Variants in UBE3B observed in about 807,000 individuals in gnomAD.
UBE3B encodes ubiquitin protein ligase E3B, also known as ubiquitin-protein ligase E3B.
In UBE3B, 80 loss-of-function variants were observed where a neutral mutation model predicts 132.3. The ratio of observed to expected loss-of-function variants is 0.60; its 90% CI spans 0.50 to 0.73. UBE3B has a LOEUF of 0.73. UBE3B is among the 30% of genes least tolerant of loss of function. The pLI is 0.00. For missense variants in UBE3B, 1,196 were observed against 1,362.5 expected (o/e 0.88, Z 1.92); for synonymous variants, 487 against 520.4 (o/e 0.94, Z 0.87).
At position 109,535,758 on chromosome 12, in the gene UBE3B, C is replaced by G. The variant is rs1883376062; in HGVS notation, c.*976C>G. 1 of 152,288 alleles carries G rather than the reference C, an allele frequency of 6.6e-6. No homozygotes were observed. The allele number at this position is 152,288 out of a possible 1,614,324, so 9.4% of individuals were successfully genotyped here. ...TCTTGCTGCCCATCCTTCCTCAGCA[C>G]AGGGAACCCGGAAGCCCGTTGCACT... On this transcript the variant is annotated 3_prime_UTR_variant, in exon 28 of 28. Coordinates refer to ENST00000342494, the MANE Select transcript of UBE3B (RefSeq NM_130466.4).
intron 19 of UBE3B, among the ~76,000 whole-genome samples, chr12:109,518,962 C>T (rs547323568): frequency 1.3e-5 from 2 of 152,178 alleles, no homozygotes; most frequent in African/African-American, 4.8e-5. Flanking sequence ...GTAAGCTGAT[C>T]TCAGACTCAT....
At chr12:109,503,406 C>T (rs1423421950) in intron 14 of UBE3B, among the ~76,000 whole-genome samples, 1 of 151,880 alleles carries the variant, frequency 6.6e-6, no homozygotes, top group Non-Finnish European at 1.5e-5. Flanking sequence ...TGTTTTGTGA[C>T]TCTTACTTTA....
rs1592954196 is a variant in UBE3B, at chr12:109,521,018, T to C, written c.2077-130T>C. The C allele has an allele frequency of 2.0e-6, 2 of 1,005,328 alleles. No homozygotes were observed. The highest frequency in any genetic ancestry group is 1.7e-5 in the South Asian group (1 of 59,992). The allele number at this position is 1,005,328 out of a possible 1,614,324, so 62.3% of individuals were successfully genotyped here. On this transcript the variant is annotated intron_variant, in intron 19 of 27. Transcript: ENST00000342494. This position sits in a 1 kb window ranked among gnomAD's most constrained non-coding sequence, Gnocchi z 4.2. ...AAGCAGGTGAGAACGGCTCCTGTCA[T>C]GCATCCACGTTTCATAATTTGCACA...
intron 15 of UBE3B, 43 bp from the exon 16 acceptor site, chr12:109,509,552 CT>C (rs144651250): frequency 1.2e-5 from 17 of 1,400,910 alleles, no homozygotes; most frequent in South Asian, 2.6e-5. Context: ...TTCTCTTCGC[CT>C]TTTTTCAGTG....
chr12:109,508,424 C>T (rs1879950783), intron 15 of UBE3B: 2 of 747,806 alleles, frequency 2.7e-6, no homozygotes, highest in Non-Finnish European at 3.3e-6. Context: ...CAGTGCCTGG[C>T]ACAGAGTGGG....
intron 11 of UBE3B, 94 bp from the exon 12 acceptor site, chr12:109,499,539 G>C (rs932746878): frequency 5.3e-5 from 67 of 1,264,368 alleles, no homozygotes; most frequent in Non-Finnish European, 6.4e-5. Flanking sequence ...GCTGCACATG[G>C]GATGTGGCCG....
At chr12:109,490,668 A>G (rs1162222914) in intron 8 of UBE3B, 9 of 1,496,598 alleles carry the variant, frequency 6.0e-6, no homozygotes, top group East Asian at 2.5e-5. Context: ...TAAGTCTGGC[A>G]TTATTTGTAT....
chr12:109,491,377 A>T (rs188949938), intron 9 of UBE3B: 2 of 365,070 alleles, frequency 5.5e-6, no homozygotes, highest in Admixed American at 8.9e-5. Context: ...ACTATTCAAA[A>T]TGAATTTCTT....
chr12:109,547,428 G>A, the UBE3B span, among the ~76,000 whole-genome samples: 13 of 152,334 alleles, frequency 8.5e-5, no homozygotes, highest in East Asian at 1.9e-3. This position sits in a 1 kb window ranked among gnomAD's most constrained non-coding sequence, Gnocchi z 4.1. Flanking sequence ...ACTCGATCAC[G>A]TCCTGGGTGC....
intron 9 of UBE3B, among the ~76,000 whole-genome samples, chr12:109,497,241 T>C (rs183998622): frequency 2.9e-4 from 44 of 152,088 alleles, no homozygotes; most frequent in African/African-American, 9.9e-4. Flanking sequence ...GTCCTCAATC[T>C]TTTAAAAATG....
At chr12:109,512,495 G>A (rs1015925542) in intron 18 of UBE3B, among the ~76,000 whole-genome samples, 2 of 152,174 alleles carry the variant, frequency 1.3e-5, no homozygotes, top group African/African-American at 2.4e-5. Flanking sequence ...GGAAATGTCC[G>A]ATGCTGCGAC....
the UBE3B span, among the ~76,000 whole-genome samples, chr12:109,544,289 C>T: frequency 1.3e-5 from 2 of 148,276 alleles, no homozygotes; most frequent in East Asian, 2.0e-4. Flanking sequence ...ACACTCAGAG[C>T]GAGAGAGAGG....
intron 18 of UBE3B, among the ~76,000 whole-genome samples, chr12:109,514,148 C>G (rs1396158872): frequency 1.3e-5 from 2 of 152,190 alleles, no homozygotes; most frequent in Non-Finnish European, 2.9e-5. Flanking sequence ...TCGCTTTTAC[C>G]TGTTTATGTG....
the UBE3B span, among the ~76,000 whole-genome samples, chr12:109,547,590 T>A: frequency 6.6e-6 from 1 of 152,148 alleles, no homozygotes; most frequent in Non-Finnish European, 1.5e-5. This position sits in a 1 kb window ranked among gnomAD's most constrained non-coding sequence, Gnocchi z 4.1. Flanking sequence ...CCACATTCAT[T>A]CCTCCCTCCT....
intron 26 of UBE3B, among the ~76,000 whole-genome samples, chr12:109,532,954 C>T (rs911672787): frequency 1.3e-5 from 2 of 152,346 alleles, no homozygotes; most frequent in African/African-American, 4.8e-5. Flanking sequence ...AATAAGGAGC[C>T]GGCAGGATGC....
intron 17 of UBE3B, among the ~76,000 whole-genome samples, chr12:109,510,845 ATCC>A (rs895543970): frequency 2.0e-4 from 30 of 152,236 alleles, no homozygotes; most frequent in African/African-American, 7.2e-4. Context: ...GGTGGGGGAA[ATCC>A]TCCTATCACA....
chr12:109,509,425 C>A, intron 15 of UBE3B, 171 bp from the exon 16 acceptor site: 1 of 505,766 alleles, frequency 2.0e-6, no homozygotes, highest in East Asian at 3.3e-5. Context: ...CTCCCCTTTC[C>A]CCCTACCCCT....
rs760514777 is a variant in UBE3B at position 109,534,548 on chromosome 12, A to G, written c.3016-43A>G. The G allele has an allele frequency of 1.3e-6, 2 of 1,567,298 alleles. No individual in the cohort carries two copies. The highest frequency in any genetic ancestry group is 1.2e-5 in the South Asian group (1 of 83,550). ...GCCTTGGCATCAGCCTGGGCTCCCAAACTAGGCCCTTCCCAATTCAAGGCC... is the reference window on the plus strand; with the variant it reads ...GCCTTGGCATCAGCCTGGGCTCCCAGACTAGGCCCTTCCCAATTCAAGGCC... On this transcript the variant is annotated intron_variant, in intron 27 of 27. Transcript: ENST00000342494. The surrounding 1 kb of genome is among the most constrained non-coding windows in gnomAD (Gnocchi z 5.2).
the UBE3B span, among the ~76,000 whole-genome samples, chr12:109,542,621 C>G: frequency 6.6e-6 from 1 of 152,152 alleles, no homozygotes; most frequent in African/African-American, 2.4e-5. Flanking sequence ...TCCGATGTGA[C>G]TGGTGTCCTT....
Sources: allele counts gnomAD v4.1 joint callset (sites outside exome capture counted in the v4.1 genomes callset), GRCh38; gene constraint gnomAD v4.1.1; non-coding constraint Gnocchi (gnomAD v3.1); transcripts MANE v1.5; gene names NCBI Gene and HGNC (gene_info 2026-07-23, HGNC 2026-07-21).